The following DAPL1 variants were observed in gnomAD, a reference collection of about 807,000 sequenced individuals.
DAPL1 encodes death-associated protein-like 1.
In DAPL1, 17 loss-of-function variants were observed where a neutral mutation model predicts 12.9. That is an observed-to-expected ratio of 1.32 (90% CI 0.90 to 1.98). The LOEUF (loss-of-function observed/expected upper bound fraction) is 1.98, where lower values mean the gene tolerates loss of function less well. Ranked by LOEUF, DAPL1 falls within the 30% of genes most tolerant of loss-of-function variation. DAPL1 has a pLI of 0.00. For missense variants in DAPL1, 157 were observed against 125.7 expected, an observed-to-expected ratio of 1.25 and a Z score of -1.19; for synonymous variants, 51 against 42.0, an observed-to-expected ratio of 1.21 and a Z score of -0.82.
chr2:158,810,325 T>C (rs755760680), intron 3 of DAPL1, among the ~76,000 whole-genome samples: 1 of 152,200 alleles, frequency 6.6e-6, no homozygotes, highest in Non-Finnish European at 1.5e-5. Context: ...ATAAATGCAG[T>C]GGCAGAATTG....
chr2:158,802,813 CT>C (rs1196067323), intron 1 of DAPL1, among the ~76,000 whole-genome samples: 1 of 152,096 alleles, frequency 6.6e-6, no homozygotes, highest in South Asian at 2.1e-4. Flanking sequence ...ATCCAAGAAC[CT>C]TTTTTTGGAT....
At chr2:158,797,791 G>GAAAAAAA (rs144141422) in intron 1 of DAPL1, among the ~76,000 whole-genome samples, 1 of 143,788 alleles carries the variant, frequency 7.0e-6, no homozygotes. Context: ...GACCCCGTCT[G>GAAAAAAA]AAAAAAAAAA....
intron 3 of DAPL1, among the ~76,000 whole-genome samples, chr2:158,814,342 A>G (rs1348299734): frequency 2.0e-5 from 3 of 152,208 alleles, no homozygotes; most frequent in African/African-American, 7.2e-5. Context: ...ATTTATGATC[A>G]ATATCTCAAT....
chr2:158,801,133 G>T (rs566026882), intron 1 of DAPL1, among the ~76,000 whole-genome samples: 1 of 152,164 alleles, frequency 6.6e-6, no homozygotes, highest in Non-Finnish European at 1.5e-5. Flanking sequence ...GTGAGCCATC[G>T]CGCCCAGCCA....
intron 3 of DAPL1, among the ~76,000 whole-genome samples, chr2:158,808,989 T>C (rs1178298918): frequency 6.6e-6 from 1 of 152,166 alleles, no homozygotes. Flanking sequence ...ATCTCTTCCC[T>C]AAGTAACAAT....
At chr2:158,796,630 G>C (rs2059135996) in intron 1 of DAPL1, among the ~76,000 whole-genome samples, 1 of 152,108 alleles carries the variant, frequency 6.6e-6, no homozygotes, top group Admixed American at 6.5e-5. Flanking sequence ...AAAGAAAAAA[G>C]AACTCCATTC....
intron 1 of DAPL1, among the ~76,000 whole-genome samples, chr2:158,802,118 A>AG (rs1491090759): frequency 1.3e-5 from 2 of 152,238 alleles, no homozygotes; most frequent in Non-Finnish European, 2.9e-5. Context: ...CGTTGTTAAC[A>AG]GGGGTATGGA....
Position 158,810,027 on chromosome 2 carries a change from G to T in DAPL1, c.207+2912G>T, listed in dbSNP as rs187811882. Among the ~76,000 whole-genome samples, 7 of 152,282 alleles carry T rather than the reference G, an allele frequency of 4.6e-5. No individual in the cohort carries two copies. In the East Asian group the frequency reaches 1.2e-3, roughly 25 times the overall value. ...CAGAGGAAATTTGGGGGAATGATGG[G>T]ATGGTTACTCATCTTGATTGTGGTT... On this transcript the variant is annotated intron_variant, in intron 3 of 3. Transcript: ENST00000309950.
Position 158,809,631 on chromosome 2 carries a change from A to C in DAPL1, c.207+2516A>C, listed in dbSNP as rs140073481. On this transcript the variant is annotated intron_variant, in intron 3 of 3. Coordinates refer to ENST00000309950, the MANE Select transcript of DAPL1 (RefSeq NM_001017920.3). Reference sequence around the variant, plus strand: ...GTGTGAGTACCAGTATCTACTTCATAGGGACATGTTGAGAGTAAAATGAAG... The same window carrying C: ...GTGTGAGTACCAGTATCTACTTCATCGGGACATGTTGAGAGTAAAATGAAG... 4.7e-3 allele frequency among the ~76,000 whole-genome samples: 715 copies of C among 152,188 alleles called. 3 individuals carry two copies. Among genetic ancestry groups the C allele is most frequent in the African/African-American group, 0.016 (682 of 41,524 alleles).
At chr2:158,798,673 C>G (rs1270119422) in intron 1 of DAPL1, among the ~76,000 whole-genome samples, 1 of 152,114 alleles carries the variant, frequency 6.6e-6, no homozygotes, top group Non-Finnish European at 1.5e-5. Context: ...GAAAATGAAG[C>G]TGACCTCATG....
chr2:158,809,948 C>G (rs1171868746), intron 3 of DAPL1, among the ~76,000 whole-genome samples: 2 of 152,184 alleles, frequency 1.3e-5, no homozygotes, highest in Non-Finnish European at 2.9e-5. Flanking sequence ...ACCACTAGAT[C>G]TACCAAGATC....
intron 2 of DAPL1, 52 bp downstream of exon 2, chr2:158,804,421 G>T: frequency 7.5e-7 from 1 of 1,324,712 alleles, no homozygotes; most frequent in Non-Finnish European, 1.1e-6. Context: ...GAGTGACTCT[G>T]CCTCCAGGAG....
chr2:158,805,191 C>CTTCT (rs2059193992), intron 2 of DAPL1, among the ~76,000 whole-genome samples: 1 of 152,204 alleles, frequency 6.6e-6, no homozygotes, highest in South Asian at 2.1e-4. Flanking sequence ...GACTGTGGCA[C>CTTCT]TTCTTTGACT....
chr2:158,797,097 G>A (rs1245960200), intron 1 of DAPL1, among the ~76,000 whole-genome samples: 1 of 152,130 alleles, frequency 6.6e-6, no homozygotes, highest in Non-Finnish European at 1.5e-5. Flanking sequence ...ATTTTTATAA[G>A]CAAAATACAG....
rs750970070 is a variant in DAPL1, at chr2:158,806,849, ATAAT to A, written c.147-205_147-202del. Among the ~76,000 whole-genome samples, 663 of 69,894 alleles carry A rather than the reference ATAAT, an allele frequency of 9.5e-3. 7 individuals carry two copies. The highest frequency in any genetic ancestry group is 0.025 in the African/African-American group (564 of 22,648). 45.9% of individuals were successfully genotyped at this position (69,894 alleles called of 152,430 possible). On this transcript the variant is annotated intron_variant, in intron 2 of 3. Coordinates refer to ENST00000309950, the MANE Select transcript of DAPL1 (RefSeq NM_001017920.3). Reference sequence around the variant, plus strand: ...GAAACTGTGTCTCAGAAAAAAAAAAATAATAATAATAATAATAATAATTTGGCCT... The same window carrying A: ...GAAACTGTGTCTCAGAAAAAAAAAAAAATAATAATAATAATAATTTGGCCT...
chr2:158,800,171 G>A (rs1575224762), intron 1 of DAPL1, among the ~76,000 whole-genome samples: 1 of 152,070 alleles, frequency 6.6e-6, no homozygotes, highest in Non-Finnish European at 1.5e-5. Flanking sequence ...GAAAAGAGTT[G>A]AAATTATAAT....
At chr2:158,809,059 T>A (rs1575229092) in intron 3 of DAPL1, among the ~76,000 whole-genome samples, 1 of 152,106 alleles carries the variant, frequency 6.6e-6, no homozygotes, top group Non-Finnish European at 1.5e-5. Context: ...GATGGTGTGC[T>A]GTTAGAAATA....
intron 1 of DAPL1, among the ~76,000 whole-genome samples, chr2:158,801,587 T>C (rs2059168300): frequency 6.6e-6 from 1 of 152,216 alleles, no homozygotes; most frequent in South Asian, 2.1e-4. Flanking sequence ...AATGTGCATA[T>C]ATATATATAA....
intron 1 of DAPL1, among the ~76,000 whole-genome samples, chr2:158,801,548 G>A (rs940827107): frequency 7.2e-5 from 11 of 152,124 alleles, no homozygotes; most frequent in African/African-American, 1.9e-4. Flanking sequence ...TGCCATATGC[G>A]TGTGTATAAA....
Sources: allele counts gnomAD v4.1 joint callset (sites outside exome capture counted in the v4.1 genomes callset), GRCh38; gene constraint gnomAD v4.1.1; transcripts MANE v1.5; gene names NCBI Gene and HGNC (gene_info 2026-07-23, HGNC 2026-07-21).